ADGRB3: variants seen among roughly 807,000 people sequenced by gnomAD.
ADGRB3 encodes adhesion G protein-coupled receptor B3.
In ADGRB3, 37 loss-of-function variants were observed where a neutral mutation model predicts 193.4. The ratio of observed to expected loss-of-function variants is 0.19; its 90% CI spans 0.15 to 0.25. The LOEUF (loss-of-function observed/expected upper bound fraction) is 0.25, where lower values mean the gene tolerates loss of function less well. Ranked by LOEUF, ADGRB3 falls within the 10% of genes least tolerant of loss-of-function variation. The pLI is 1.00. For synonymous variants in ADGRB3, 690 were observed against 644.2 expected (o/e 1.07, Z -1.08); for missense variants, 1,637 against 1,852.9 (o/e 0.88, Z 2.14).
chr6:69,304,088 G>C (rs923676677), intron 20 of ADGRB3, among the ~76,000 whole-genome samples: 4 of 150,898 alleles, frequency 2.7e-5, no homozygotes, highest in African/African-American at 9.8e-5. Context: ...CAAAATACAA[G>C]GGTTTTTTTT....
rs900065262 is a variant in ADGRB3, at chr6:68,801,533, C to CA, written c.758-129019dup. Among the ~76,000 whole-genome samples, 7 of 151,690 alleles carry CA rather than the reference C, an allele frequency of 4.6e-5. No individual in the cohort carries two copies. In the East Asian group the frequency reaches 5.9e-4, roughly 13 times the overall value. ...CGAAACCCCATCTCTACTAAAAATACAAAAAAATGGCTGGGTGTGGTGGCA... is the reference window on the plus strand; with the variant it reads ...CGAAACCCCATCTCTACTAAAAATACAAAAAAAATGGCTGGGTGTGGTGGCA... On this transcript the variant is annotated intron_variant, in intron 3 of 31. Coordinates refer to ENST00000370598, the MANE Select transcript of ADGRB3 (RefSeq NM_001704.3).
chr6:68,869,828 G>A (rs1166279792), intron 3 of ADGRB3, among the ~76,000 whole-genome samples: 2 of 152,260 alleles, frequency 1.3e-5, no homozygotes, highest in Non-Finnish European at 2.9e-5. Context: ...ACCCAGGCTG[G>A]AGTGCAGTGG....
intron 3 of ADGRB3, among the ~76,000 whole-genome samples, chr6:68,668,456 T>A (rs1227790601): frequency 6.6e-6 from 1 of 152,010 alleles, no homozygotes; most frequent in African/African-American, 2.4e-5. Flanking sequence ...AAGTTCTTTT[T>A]CCTTTGGTAA....
intron 3 of ADGRB3, among the ~76,000 whole-genome samples, chr6:68,906,968 T>C (rs986646626): frequency 1.3e-5 from 2 of 151,950 alleles, no homozygotes; most frequent in Admixed American, 1.3e-4. Flanking sequence ...CTTTTTATCC[T>C]GCCACTTAAC....
At chr6:68,857,918 C>T (rs1006506743) in intron 3 of ADGRB3, among the ~76,000 whole-genome samples, 25 of 152,218 alleles carry the variant, frequency 1.6e-4, no homozygotes, top group Non-Finnish European at 3.2e-4. Flanking sequence ...GTGCTATTCT[C>T]ATGATACTTA....
At chr6:68,811,832 G>A (rs748289358) in intron 3 of ADGRB3, among the ~76,000 whole-genome samples, 56 of 152,152 alleles carry the variant, frequency 3.7e-4, no homozygotes, top group Non-Finnish European at 6.5e-4. Context: ...TCTAGATGTC[G>A]TGGGAGAAGT....
At chr6:68,992,171 ACT>A (rs1769256675) in intron 10 of ADGRB3, among the ~76,000 whole-genome samples, 1 of 152,150 alleles carries the variant, frequency 6.6e-6, no homozygotes, top group African/African-American at 2.4e-5. Context: ...GCTTTGATTA[ACT>A]CTGTTTAGTT....
chr6:69,268,824 A>AG (rs1454855616), intron 20 of ADGRB3, among the ~76,000 whole-genome samples: 1 of 152,066 alleles, frequency 6.6e-6, no homozygotes, highest in Non-Finnish European at 1.5e-5. Context: ...GGCCGGGTCT[A>AG]GGGGCAGGAC....
At chr6:68,791,100 A>G (rs1767099133) in intron 3 of ADGRB3, among the ~76,000 whole-genome samples, 1 of 151,816 alleles carries the variant, frequency 6.6e-6, no homozygotes, top group Non-Finnish European at 1.5e-5. Flanking sequence ...TTACATACTT[A>G]AGTGACAAGT....
intron 20 of ADGRB3, among the ~76,000 whole-genome samples, chr6:69,313,360 A>G (rs1768240086): frequency 6.6e-6 from 1 of 151,850 alleles, no homozygotes; most frequent in African/African-American, 2.4e-5. Context: ...AATTGTTTTC[A>G]TTCCACATTG....
At chr6:69,383,271 C>T (rs887725888) in intron 31 of ADGRB3, among the ~76,000 whole-genome samples, 1 of 151,816 alleles carries the variant, frequency 6.6e-6, no homozygotes, top group African/African-American at 2.4e-5. Flanking sequence ...TTAATATTTC[C>T]ATTTTCATTT....
rs74719964 is a variant in ADGRB3, at chr6:69,383,151, T to C, written c.4380+216T>C. The stretch of plus-strand genomic sequence containing the variant: ...TTCATATTTCAAATATCCTCATTTA[T>C]AAGCTTTCATTAGAGTTAGTTTTAT... On this transcript the variant is annotated intron_variant, in intron 31 of 31. Coordinates refer to ENST00000370598, the MANE Select transcript of ADGRB3 (RefSeq NM_001704.3). 2.2e-4 allele frequency among the ~76,000 whole-genome samples: 34 copies of C among 152,162 alleles called. No homozygotes were observed. In the East Asian group the frequency reaches 5.8e-3, roughly 26 times the overall value.
At chr6:68,661,265 G>C (rs1768623656) in intron 3 of ADGRB3, among the ~76,000 whole-genome samples, 1 of 146,212 alleles carries the variant, frequency 6.8e-6, no homozygotes, top group African/African-American at 2.5e-5. Flanking sequence ...CCATTATTGG[G>C]AAGAAACAAA....
At chr6:68,802,212 ATG>A (rs770074423) in intron 3 of ADGRB3, among the ~76,000 whole-genome samples, 5 of 136,176 alleles carry the variant, frequency 3.7e-5, no homozygotes, top group Admixed American at 7.1e-5. Flanking sequence ...GTGTGTGTGT[ATG>A]TGTGTGTGTG....
At chr6:68,718,396 C>G (rs1312060988) in intron 3 of ADGRB3, among the ~76,000 whole-genome samples, 1 of 151,620 alleles carries the variant, frequency 6.6e-6, no homozygotes, top group Non-Finnish European at 1.5e-5. Flanking sequence ...TTGTTGATGT[C>G]AAGAAAAAAC....
intron 3 of ADGRB3, among the ~76,000 whole-genome samples, chr6:68,919,999 G>A (rs539529958): frequency 6.6e-6 from 1 of 151,988 alleles, no homozygotes; most frequent in East Asian, 1.9e-4. Context: ...AATGTGAGGG[G>A]GTTGAGATGG....
At chr6:68,752,152 A>T (rs1356665525) in intron 3 of ADGRB3, among the ~76,000 whole-genome samples, 1 of 152,220 alleles carries the variant, frequency 6.6e-6, no homozygotes, top group Non-Finnish European at 1.5e-5. Flanking sequence ...AAATGCAAGA[A>T]AATGCACTTT....
At chr6:69,196,630 T>C (rs1168010504) in intron 17 of ADGRB3, among the ~76,000 whole-genome samples, 1 of 152,116 alleles carries the variant, frequency 6.6e-6, no homozygotes, top group East Asian at 1.9e-4. Context: ...TCTAACTGCC[T>C]AATTTTAACT....
chr6:68,751,377 T>C (rs918741983), intron 3 of ADGRB3, among the ~76,000 whole-genome samples: 18 of 152,124 alleles, frequency 1.2e-4, no homozygotes, highest in Non-Finnish European at 2.2e-4. Flanking sequence ...CTGTCCTTAA[T>C]ATGCTGAGTC....
Sources: allele counts gnomAD v4.1 joint callset (sites outside exome capture counted in the v4.1 genomes callset), GRCh38; gene constraint gnomAD v4.1.1; transcripts MANE v1.5; gene names NCBI Gene and HGNC (gene_info 2026-07-23, HGNC 2026-07-21).